Variants in RIPK4 observed in about 807,000 individuals in gnomAD.
The protein encoded by RIPK4 is receptor interacting serine/threonine kinase 4, also known as receptor-interacting serine/threonine-protein kinase 4.
A neutral mutation model predicts 42.9 loss-of-function variants in RIPK4; 17 were observed. The observed-to-expected ratio is 0.40, with a 90% CI of 0.27 to 0.59. RIPK4 has a LOEUF of 0.59. Ranked by LOEUF, RIPK4 falls within the 20% of genes least tolerant of loss-of-function variation. The probability of loss-of-function intolerance (pLI) is 0.47; values close to 1 mark genes in which losing one functional copy is unlikely to be tolerated. For synonymous variants in RIPK4, 498 were observed against 499.1 expected (o/e 1.00, Z 0.03); for missense variants, 897 against 1,104.4 (o/e 0.81, Z 2.66).
Position 41,749,194 on chromosome 21 carries a change from G to A in RIPK4, c.633C>T (p.Ile211=), listed in dbSNP as rs747433560. ...DTKHDVYSFA[I]VIWGVLTQKK... is the part of the protein sequence containing the mutation. Reference sequence around the variant, plus strand: ...TCTGTGTGAGCACGCCCCAGATGACGATCGCAAAGCTGGAAGAGAAACCAG... The same window carrying A: ...TCTGTGTGAGCACGCCCCAGATGACAATCGCAAAGCTGGAAGAGAAACCAG... Residue 211 remains isoleucine, a synonymous_variant, in exon 4 of 8, where the codon ATC becomes ATT. Coordinates refer to ENST00000332512, the MANE Select transcript of RIPK4 (RefSeq NM_020639.3). 3.1e-6 allele frequency: 5 copies of A among 1,613,808 alleles called. No individual in the cohort carries two copies. The highest frequency in any genetic ancestry group is 2.2e-5 in the South Asian group (2 of 91,036).
In RIPK4 at chr21:41,742,692, C is replaced by T. The variant is rs1049765486; in HGVS notation, c.1196-695G>A. ...AAACGCGTGGGGACTTGGAAGTCGG[C>T]GGTGGGAAGGTGTTAAGAAAACGGA... On this transcript the variant is annotated intron_variant, in intron 7 of 7. Transcript: ENST00000332512. This position sits in a 1 kb window ranked among gnomAD's most constrained non-coding sequence, Gnocchi z 5.1. Among the ~76,000 whole-genome samples, 5 of 152,132 alleles carry T rather than the reference C, an allele frequency of 3.3e-5. No homozygotes were observed. The highest frequency in any genetic ancestry group is 2.1e-4 in the South Asian group (1 of 4,818).
chr21:41,756,547 A>G lies in RIPK4; in HGVS notation c.452T>C (p.Leu151Pro). ...HLDLKPANIL[L>P]DAHYHVKISD... ...CACCTTGACGTGGTAGTGGGCATCC[A>G]GCAGGATGTTCGCGGGCTTGAGGTC... Residue 151 changes from leucine to proline, a missense_variant, in exon 2 of 8, where the codon CTG becomes CCG. Coordinates refer to ENST00000332512, the MANE Select transcript of RIPK4 (RefSeq NM_020639.3). The G allele has an allele frequency of 6.2e-7, 1 of 1,613,366 alleles. No individual in the cohort carries two copies. Among genetic ancestry groups the G allele is most frequent in the Non-Finnish European group, 8.5e-7 (1 of 1,179,594 alleles).
chr21:41,741,734 C>T lies in RIPK4; in HGVS notation c.1459G>A (p.Val487Met), dbSNP rs371853259. The T allele has an allele frequency of 5.0e-6, 8 of 1,612,572 alleles. No homozygotes were observed. The highest frequency in any genetic ancestry group is 1.3e-5 in the African/African-American group (1 of 74,946). The stretch of plus-strand genomic sequence containing the variant: ...ATCTTCCGCGCCAGCAGGAGCTCCA[C>T]GACACCCCGCACCCTCCTCTCCACG... ...MAVERRVRGV[V>M]ELLLARKISV... The change falls in exon 8 of 8, where the codon GTG (valine) becomes ATG (methionine). Residue 487 changes from valine to methionine, a missense_variant. By Grantham distance (21) the Val-to-Met change is conservative. Transcript: ENST00000332512.
rs144946647 is a variant in RIPK4 at position 41,741,213 on chromosome 21, G to A, written c.1980C>T (p.Gly660=). ...TSTARLLLHR[G]AGKEAMTSDG... ...CTGAGGTCATGGCCTCCTTGCCAGC[G>A]CCCCGATGCAGGAGCAGCCTGGCAG... Residue 660 remains glycine (G), a synonymous_variant, in exon 8 of 8, where the codon GGC becomes GGT. Transcript: ENST00000332512. 1.3e-3 allele frequency: 2,113 copies of A among 1,609,132 alleles called. 40 individuals are homozygous for A. The South Asian group carries it at 0.022, about 17-fold the overall frequency.
intron 2 of RIPK4, among the ~76,000 whole-genome samples, chr21:41,753,954 T>C (rs989574467): frequency 3.9e-5 from 6 of 152,350 alleles, no homozygotes; most frequent in Admixed American, 2.0e-4. Context: ...TAATGTTGAA[T>C]AATATCAAGC....
intron 6 of RIPK4, 51 bp from the exon 7 acceptor site, chr21:41,744,191 T>A: frequency 2.0e-6 from 3 of 1,493,674 alleles, no homozygotes; most frequent in Non-Finnish European, 2.7e-6. Context: ...ATAGACCGCA[T>A]GGCCCGCCCA....
intron 3 of RIPK4, 95 bp from the exon 4 acceptor site, chr21:41,749,298 G>C (rs769906871): frequency 2.8e-5 from 34 of 1,223,896 alleles, no homozygotes; most frequent in Admixed American, 3.5e-5. Context: ...CACCTGTTCT[G>C]AAGCCTTCCA....
rs1258746498 is a variant in RIPK4, at chr21:41,751,629, A to G, written c.475-384T>C. Among the ~76,000 whole-genome samples the G allele has an allele frequency of 6.6e-6, 1 of 152,208 alleles. No homozygotes were observed. The highest frequency in any genetic ancestry group is 1.5e-5 in the Non-Finnish European group (1 of 68,026). ...AAAACAAGCCTTCGAGGGTTCAGGT[A>G]AAGAGAGACACATGTGAAGACCAGG... is the stretch of plus-strand genomic sequence containing the variant. On this transcript the variant is annotated intron_variant, in intron 2 of 7. Transcript: ENST00000332512. The surrounding 1 kb of genome is among the most constrained non-coding windows in gnomAD (Gnocchi z 4.5).
In RIPK4 at chr21:41,741,188, C is replaced by A; in HGVS notation, c.2005G>T (p.Asp669Tyr). The A allele has an allele frequency of 6.2e-7, 1 of 1,611,558 alleles. No individual in the cohort carries two copies. Among genetic ancestry groups the A allele is most frequent in the Non-Finnish European group, 8.5e-7 (1 of 1,179,212 alleles). Residue 669 changes from aspartate to tyrosine, a missense_variant, in exon 8 of 8, where the codon GAC becomes TAC. Asp to Tyr is a radical substitution (Grantham distance 160). Coordinates refer to ENST00000332512, the MANE Select transcript of RIPK4 (RefSeq NM_020639.3). ...GCCAGGTGCAGAGCGGTGTAGCCGT[C>A]TGAGGTCATGGCCTCCTTGCCAGCG... ...RGAGKEAMTSDGYTALHLAAR... is the reference protein window; with the variant it reads ...RGAGKEAMTSYGYTALHLAAR...
At chr21:41,766,634 G>A (rs1424528931) in intron 1 of RIPK4, among the ~76,000 whole-genome samples, 4 of 152,118 alleles carry the variant, frequency 2.6e-5, no homozygotes, top group Admixed American at 2.0e-4. Context: ...CGGCCCCGAC[G>A]TGCGCGATCG....
chr21:41,746,523 C>T lies in RIPK4; in HGVS notation c.832+90G>A, dbSNP rs2061171804. ...CACCTGTTACACGCCTTGTTTCTCA[C>T]CCAGGCCTGGTCCCTCACCCTGTCC... On this transcript the variant is annotated intron_variant, in intron 5 of 7. Coordinates refer to ENST00000332512, the MANE Select transcript of RIPK4 (RefSeq NM_020639.3). 2.0e-6 allele frequency: 3 copies of T among 1,484,068 alleles called. No individual in the cohort carries two copies. The South Asian group carries it at 3.7e-5, about 18-fold the overall frequency. 91.9% of individuals were successfully genotyped at this position (1,484,068 alleles called of 1,614,324 possible). A position where few individuals can be genotyped will look rare whatever the true frequency, so the allele number is the denominator to read the frequency against.
At chr21:41,764,202 C>T (rs1400522038) in intron 1 of RIPK4, among the ~76,000 whole-genome samples, 2 of 152,202 alleles carry the variant, frequency 1.3e-5, no homozygotes, top group East Asian at 3.9e-4. Flanking sequence ...GCTCACATGG[C>T]CTGGCGCAGC....
intron 1 of RIPK4, among the ~76,000 whole-genome samples, chr21:41,764,109 G>GGCCT (rs1301399773): frequency 6.6e-6 from 1 of 152,182 alleles, no homozygotes; most frequent in Non-Finnish European, 1.5e-5. Context: ...AGGGCCCCCT[G>GGCCT]GCAGGCACTT....
intron 5 of RIPK4, 66 bp from the exon 6 acceptor site, chr21:41,745,928 A>C: frequency 7.9e-7 from 1 of 1,261,372 alleles, no homozygotes; most frequent in Non-Finnish European, 1.2e-6. Context: ...CGTTCCATAT[A>C]AACGCAGGGC....
chr21:41,756,283 C>A (rs114747253), intron 2 of RIPK4, among the ~76,000 whole-genome samples: 1 of 152,208 alleles, frequency 6.6e-6, no homozygotes, highest in Non-Finnish European at 1.5e-5. Flanking sequence ...GGGGAACAGC[C>A]CCCATGTTCA....
Position 41,742,871 on chromosome 21 carries a change from T to G in RIPK4, c.1196-874A>C, listed in dbSNP as rs965809258. On this transcript the variant is annotated intron_variant, in intron 7 of 7. Coordinates refer to ENST00000332512, the MANE Select transcript of RIPK4 (RefSeq NM_020639.3). This position sits in a 1 kb window ranked among gnomAD's most constrained non-coding sequence, Gnocchi z 5.1. ...TACTTATCCATGGGAGATGGTGGTA[T>G]TTCTTTCTGCTCAGTCTTAGACTTT... Among the ~76,000 whole-genome samples the G allele has an allele frequency of 6.6e-6, 1 of 152,160 alleles. No individual in the cohort carries two copies. The highest frequency in any genetic ancestry group is 2.4e-5 in the African/African-American group (1 of 41,426).
chr21:41,765,265 C>T (rs1418112014), intron 1 of RIPK4, among the ~76,000 whole-genome samples: 2 of 152,218 alleles, frequency 1.3e-5, no homozygotes, highest in East Asian at 3.9e-4. Context: ...AGAACCTAAC[C>T]ACTGGCTGGT....
chr21:41,746,066 TC>T (rs768971003), intron 5 of RIPK4: 1 of 713,308 alleles, frequency 1.4e-6, no homozygotes, highest in South Asian at 1.4e-5. Flanking sequence ...TTTGAAGGCC[TC>T]ACCAGACTCA....
Position 41,751,081 on chromosome 21 carries a change from G to A in RIPK4, c.623+16C>T. The A allele has an allele frequency of 2.5e-6, 4 of 1,607,708 alleles. No individual in the cohort carries two copies. Among genetic ancestry groups the A allele is most frequent in the East Asian group, 2.2e-5 (1 of 44,690 alleles). On this transcript the variant is annotated intron_variant, in intron 3 of 7. Coordinates refer to ENST00000332512, the MANE Select transcript of RIPK4 (RefSeq NM_020639.3). The surrounding 1 kb of genome is among the most constrained non-coding windows in gnomAD (Gnocchi z 4.5). ...CCCTGGCACCCACAGGGGATGGGGG[G>A]CGGCATGTCACACACCTGTATACAT...
Sources: gnomAD v4.1 joint callset for allele counts (sites outside exome capture counted in the v4.1 genomes callset) on GRCh38, gnomAD v4.1.1 for gene constraint, Gnocchi (gnomAD v3.1) non-coding constraint, MANE v1.5 for transcripts, NCBI Gene and HGNC (gene_info 2026-07-23, HGNC 2026-07-21) for gene names.